Variants in SESTD1 observed in about 807,000 individuals in gnomAD.
The protein encoded by SESTD1 is SEC14 domain and spectrin repeat-containing protein 1.
In SESTD1, 43 loss-of-function variants were observed where a neutral mutation model predicts 101.7. That is an observed-to-expected ratio of 0.42 (90% CI 0.33 to 0.55). The LOEUF (loss-of-function observed/expected upper bound fraction) is 0.55. Ranked by LOEUF, SESTD1 falls within the 20% of genes least tolerant of loss-of-function variation. The probability of loss-of-function intolerance (pLI) is 0.07; values close to 1 mark genes in which losing one functional copy is unlikely to be tolerated. For synonymous variants in SESTD1, 283 were observed against 286.8 expected, an observed-to-expected ratio of 0.99 and a Z score of 0.13; for missense variants, 647 against 815.1, an observed-to-expected ratio of 0.79 and a Z score of 2.51.
chr2:179,254,408 T>A (rs991815030), intron 1 of SESTD1, among the ~76,000 whole-genome samples: 11 of 152,170 alleles, frequency 7.2e-5, no homozygotes, highest in African/African-American at 2.7e-4. Flanking sequence ...TTCCAAAGAG[T>A]CACCAGCCAT....
At chr2:179,196,066 G>A (rs1401653901) in intron 1 of SESTD1, among the ~76,000 whole-genome samples, 1 of 152,164 alleles carries the variant, frequency 6.6e-6, no homozygotes, top group African/African-American at 2.4e-5. Context: ...CACCAGGGAA[G>A]GCCAGACAGT....
intron 1 of SESTD1, among the ~76,000 whole-genome samples, chr2:179,225,189 G>A (rs1433439312): frequency 6.6e-6 from 1 of 152,054 alleles, no homozygotes; most frequent in Non-Finnish European, 1.5e-5. Context: ...GGTTGCTGGT[G>A]GGGGAAAATT....
chr2:179,195,884 T>A (rs905079655), intron 1 of SESTD1, among the ~76,000 whole-genome samples: 5 of 149,508 alleles, frequency 3.3e-5, no homozygotes, highest in African/African-American at 1.2e-4. Context: ...AGAAAAAAAA[T>A]CTCGTATGGT....
chr2:179,216,668 T>C (rs1335937742), intron 1 of SESTD1, among the ~76,000 whole-genome samples: 1 of 135,086 alleles, frequency 7.4e-6, no homozygotes, highest in Non-Finnish European at 1.6e-5. Flanking sequence ...GGAGTCCACA[T>C]TGCCAAGACA....
At chr2:179,150,618 G>C (rs1173723353) in intron 6 of SESTD1, among the ~76,000 whole-genome samples, 3 of 152,078 alleles carry the variant, frequency 2.0e-5, no homozygotes, top group South Asian at 2.1e-4. Context: ...TCAAGAGTTT[G>C]AGATCAGCCT....
chr2:179,126,040 G>A (rs1486583489), intron 10 of SESTD1, among the ~76,000 whole-genome samples: 12 of 151,952 alleles, frequency 7.9e-5, no homozygotes, highest in Non-Finnish European at 1.3e-4. Flanking sequence ...GTCTCAACTG[G>A]ATTATTTCCA....
rs373940156 is a variant in SESTD1, at chr2:179,131,132, G to C, written c.972+1172C>G. Among the ~76,000 whole-genome samples the C allele has an allele frequency of 6.6e-5, 10 of 152,152 alleles. No homozygotes were observed. The East Asian group carries it at 1.9e-3, about 29-fold the overall frequency. ...ATATCTCTTATTATTCCTTCAGCTAGATTACAACTGCTTTAGGGTATAGTA... is the reference window on the plus strand; with the variant it reads ...ATATCTCTTATTATTCCTTCAGCTACATTACAACTGCTTTAGGGTATAGTA... On this transcript the variant is annotated intron_variant, in intron 10 of 17. Transcript: ENST00000428443.
intron 1 of SESTD1, among the ~76,000 whole-genome samples, chr2:179,206,943 C>T (rs982754431): frequency 2.2e-5 from 3 of 133,500 alleles, no homozygotes; most frequent in Non-Finnish European, 4.8e-5. Context: ...TTTTCCACTT[C>T]CCTGGTGATC....
intron 4 of SESTD1, 25 bp from the exon 5 acceptor site, chr2:179,172,258 C>T (rs1225238897): frequency 7.1e-7 from 1 of 1,413,740 alleles, no homozygotes; most frequent in Non-Finnish European, 9.9e-7. Flanking sequence ...AAAATAATTA[C>T]AAATTACACA....
At chr2:179,130,623 TA>T (rs1050754586) in intron 10 of SESTD1, among the ~76,000 whole-genome samples, 105 of 151,862 alleles carry the variant, frequency 6.9e-4, no homozygotes, top group East Asian at 5.0e-3. Context: ...TCTTGGCATT[TA>T]AAAAAAATAA....
At chr2:179,166,101 A>T (rs1170081596) in intron 5 of SESTD1, among the ~76,000 whole-genome samples, 7 of 152,188 alleles carry the variant, frequency 4.6e-5, no homozygotes, top group Admixed American at 4.6e-4. Context: ...TTAGGTTAAA[A>T]TTTTTAATGA....
chr2:179,175,197 A>G (rs925359809), intron 4 of SESTD1, among the ~76,000 whole-genome samples: 4 of 152,166 alleles, frequency 2.6e-5, no homozygotes, highest in Non-Finnish European at 5.9e-5. Context: ...CCAAAATTAA[A>G]TGAGATAAAT....
rs138641831 is a variant in SESTD1 at position 179,111,969 on chromosome 2, T to C, written c.1961+755A>G. 4.1e-3 allele frequency among the ~76,000 whole-genome samples: 625 copies of C among 152,324 alleles called. 7 individuals are homozygous for C. The highest frequency in any genetic ancestry group is 0.014 in the African/African-American group (588 of 41,578). ...CTCCTGACCTTGTGATCCGCCCGCT[T>C]TGGCCTCCCAAACTGCTGGGATTAC... On this transcript the variant is annotated intron_variant, in intron 17 of 17. Transcript: ENST00000428443.
At chr2:179,250,344 C>T (rs142343858) in intron 1 of SESTD1, among the ~76,000 whole-genome samples, 2 of 152,330 alleles carry the variant, frequency 1.3e-5, no homozygotes, top group African/African-American at 4.8e-5. Context: ...AAACTTATCA[C>T]AATGGCTAAA....
At chr2:179,118,461 C>T (rs1367695671) in intron 13 of SESTD1, among the ~76,000 whole-genome samples, 1 of 152,062 alleles carries the variant, frequency 6.6e-6, no homozygotes, top group African/African-American at 2.4e-5. Flanking sequence ...GTCTCAAATA[C>T]CGATAATATG....
chr2:179,179,366 C>T (rs1195732910), intron 3 of SESTD1, among the ~76,000 whole-genome samples: 1 of 152,136 alleles, frequency 6.6e-6, no homozygotes, highest in East Asian at 1.9e-4. Context: ...TCAAGGGTGA[C>T]ATAGCTGAGT....
At chr2:179,168,392 T>C (rs2045872777) in intron 5 of SESTD1, among the ~76,000 whole-genome samples, 1 of 152,220 alleles carries the variant, frequency 6.6e-6, no homozygotes, top group Non-Finnish European at 1.5e-5. Context: ...TTTTGGTCAA[T>C]AGTAGGCTAT....
intron 17 of SESTD1, among the ~76,000 whole-genome samples, chr2:179,111,905 G>C (rs918110605): frequency 6.6e-6 from 1 of 151,982 alleles, no homozygotes; most frequent in Non-Finnish European, 1.5e-5. Context: ...CTTTTTAGTA[G>C]AGATGGGTTT....
intron 17 of SESTD1, 41 bp downstream of exon 17, chr2:179,112,683 C>T (rs1486061986): frequency 6.5e-7 from 1 of 1,550,288 alleles, no homozygotes; most frequent in Non-Finnish European, 8.6e-7. Context: ...ACTTTAAGAC[C>T]ACACCAATAA....
Sources: gnomAD v4.1 joint callset for allele counts (sites outside exome capture counted in the v4.1 genomes callset) on GRCh38, gnomAD v4.1.1 for gene constraint, MANE v1.5 for transcripts, NCBI Gene and HGNC (gene_info 2026-07-23, HGNC 2026-07-21) for gene names.